The following ANKRD31 variants were observed in gnomAD, a reference collection of about 807,000 sequenced individuals.
ANKRD31 encodes the protein ankyrin repeat domain 31.
A neutral mutation model predicts 186.0 loss-of-function variants in ANKRD31; 147 were observed. That is an observed-to-expected ratio of 0.79 (90% CI 0.69 to 0.91). ANKRD31 has a LOEUF of 0.91. Ranked by LOEUF, ANKRD31 falls within the 40% of genes least tolerant of loss-of-function variation. The probability of loss-of-function intolerance (pLI) is 0.00; values close to 1 mark genes in which losing one functional copy is unlikely to be tolerated. For synonymous variants in ANKRD31, 673 were observed against 736.4 expected (o/e 0.91, Z 1.39); for missense variants, 1,986 against 2,148.8 (o/e 0.92, Z 1.50).
At chr5:75,207,511 T>A (rs535848036) in intron 4 of ANKRD31, among the ~76,000 whole-genome samples, 1 of 152,134 alleles carries the variant, frequency 6.6e-6, no homozygotes, top group East Asian at 1.9e-4. Context: ...AAATGTCCAG[T>A]AGTAGAGGAA....
chr5:75,162,167 C>T (rs1752611961), intron 11 of ANKRD31, among the ~76,000 whole-genome samples: 1 of 152,208 alleles, frequency 6.6e-6, no homozygotes, highest in African/African-American at 2.4e-5. Context: ...ATACTCAACA[C>T]CAGCCCATGA....
At chr5:75,232,463 C>A (rs1448017610) in intron 1 of ANKRD31, among the ~76,000 whole-genome samples, 1 of 152,084 alleles carries the variant, frequency 6.6e-6, no homozygotes, top group Non-Finnish European at 1.5e-5. Context: ...AGGGTTTTAC[C>A]ATGTTGGCCA....
rs1409428513 is a variant in ANKRD31 at position 75,146,849 on chromosome 5, A to T, written c.2562T>A (p.Asp854Glu). The T allele has an allele frequency of 1.3e-6, 2 of 1,536,362 alleles. No individual in the cohort carries two copies. Among genetic ancestry groups the T allele is most frequent in the Non-Finnish European group, 1.7e-6 (2 of 1,146,300 alleles). ...KEIKLPVVTT[D>E]KQPHTLQEQH... is the part of the protein sequence containing the mutation. ...GTTCCTGGAGAGTGTGAGGCTGCTT[A>T]TCTGTAGTAACAACTGGTAACTTGA... Residue 854 changes from aspartate (D) to glutamate (E), a missense_variant, in exon 14 of 26, where the codon GAT (aspartate) becomes GAA (glutamate). Physicochemically the swap from Asp to Glu is conservative, Grantham distance 45. Coordinates refer to ENST00000506364, the MANE Select transcript of ANKRD31 (RefSeq NM_001372053.1).
chr5:75,141,892 C>T (rs1751077741), intron 15 of ANKRD31, among the ~76,000 whole-genome samples: 2 of 152,058 alleles, frequency 1.3e-5, no homozygotes, highest in African/African-American at 4.8e-5. Flanking sequence ...AGAAGGTAGC[C>T]ATGTAATATA....
At chr5:75,220,282 A>C (rs1469598600) in intron 3 of ANKRD31, among the ~76,000 whole-genome samples, 2 of 152,198 alleles carry the variant, frequency 1.3e-5, no homozygotes, top group Non-Finnish European at 2.9e-5. Flanking sequence ...CATCTGACAA[A>C]GGTCTAATAT....
intron 2 of ANKRD31, chr5:75,225,733 G>A (rs1323631975): frequency 1.3e-5 from 2 of 158,706 alleles, no homozygotes; most frequent in African/African-American, 4.8e-5. Flanking sequence ...GACAGCTGTG[G>A]TGGCTATGGT....
intron 2 of ANKRD31, among the ~76,000 whole-genome samples, chr5:75,228,650 G>A (rs1757778131): frequency 2.0e-5 from 3 of 152,062 alleles, no homozygotes; most frequent in African/African-American, 7.2e-5. Context: ...GCAATCATTG[G>A]GAGTAGAATT....
rs980575045 is a variant in ANKRD31, at chr5:75,182,407, A to C, written c.1564+6086T>G. 5.3e-4 allele frequency among the ~76,000 whole-genome samples: 80 copies of C among 152,268 alleles called. 1 individual carries two copies. The highest frequency in any genetic ancestry group is 8.8e-5 in the Non-Finnish European group (6 of 68,012). ...TCTAGATTTTGCTCAAACTACAATA[A>C]AAATTAGTTTCCTAAAGAAGATGAA... On this transcript the variant is annotated intron_variant, in intron 10 of 25. Transcript: ENST00000506364.
At chr5:75,178,223 G>A (rs1284804473) in intron 10 of ANKRD31, among the ~76,000 whole-genome samples, 1 of 152,304 alleles carries the variant, frequency 6.6e-6, no homozygotes, top group East Asian at 1.9e-4. Context: ...GGAGCACCCA[G>A]ATTCATAAAG....
chr5:75,128,224 C>G (rs949847349), intron 17 of ANKRD31, among the ~76,000 whole-genome samples: 1 of 147,852 alleles, frequency 6.8e-6, no homozygotes, highest in Non-Finnish European at 1.5e-5. Context: ...CACATGGACA[C>G]AGGGAGGGGA....
chr5:75,076,744 A>G (rs1478142856), intron 25 of ANKRD31, among the ~76,000 whole-genome samples: 2 of 152,158 alleles, frequency 1.3e-5, no homozygotes, highest in Non-Finnish European at 2.9e-5. Context: ...TATCTAGGGG[A>G]CAGCCAAGAG....
chr5:75,101,428 T>G (rs1199086423), intron 22 of ANKRD31, among the ~76,000 whole-genome samples: 1 of 152,144 alleles, frequency 6.6e-6, no homozygotes, highest in Admixed American at 6.5e-5. Context: ...TTGAGGAGTA[T>G]CTTTATGGTG....
Position 75,116,444 on chromosome 5 carries a change from A to T in ANKRD31, c.4155+122T>A, listed in dbSNP as rs191291983. The T allele has an allele frequency of 7.8e-3, 2,752 of 354,908 alleles. 75 individuals are homozygous for T. Among genetic ancestry groups the T allele is most frequent in the African/African-American group, 0.054 (2,506 of 46,716 alleles). The allele number at this position is 354,908 out of a possible 1,614,324, so 22.0% of individuals were successfully genotyped here. A position where few individuals can be genotyped will look rare whatever the true frequency, so the allele number is the denominator to read the frequency against. On this transcript the variant is annotated intron_variant, in intron 19 of 25. Coordinates refer to ENST00000506364, the MANE Select transcript of ANKRD31 (RefSeq NM_001372053.1). Reference sequence around the variant, plus strand: ...AAATAAATAAATAAATAAAATAAATAAAAAATTTCTATCTTTGTATCATTA... The same window carrying T: ...AAATAAATAAATAAATAAAATAAATTAAAAATTTCTATCTTTGTATCATTA...
intron 5 of ANKRD31, 23 bp downstream of exon 5, chr5:75,206,388 A>G (rs1374639525): frequency 2.9e-6 from 4 of 1,381,068 alleles, no homozygotes; most frequent in Non-Finnish European, 3.7e-6. Context: ...TTTCCTTTAT[A>G]TGACTCTACC....
Position 75,146,249 on chromosome 5 carries a change from C to T in ANKRD31, c.3162G>A (p.Val1054=), listed in dbSNP as rs1472108214. The change falls in exon 14 of 26, where the codon GTG becomes GTA. Residue 1054 remains valine, a synonymous_variant. Coordinates refer to ENST00000506364, the MANE Select transcript of ANKRD31 (RefSeq NM_001372053.1). The part of the protein sequence containing the change: ...FLMNQTDTHI[V]EKMAKNCDTE... ...TGTCACAATTCTTTGCCATCTTTTC[C>T]ACAATATGTGTATCTGTTTGATTCA... The T allele has an allele frequency of 1.3e-6, 2 of 1,536,316 alleles. No homozygotes were observed. The highest frequency in any genetic ancestry group is 4.9e-5 in the East Asian group (2 of 40,874).
intron 18 of ANKRD31, 23 bp downstream of exon 18, chr5:75,118,112 A>G (rs1004590129): frequency 7.3e-7 from 1 of 1,360,996 alleles, no homozygotes; most frequent in South Asian, 2.0e-5. Context: ...TATATAAAAT[A>G]GCAGCAATAT....
chr5:75,178,887 A>G (rs1754039813), intron 10 of ANKRD31, among the ~76,000 whole-genome samples: 1 of 152,218 alleles, frequency 6.6e-6, no homozygotes, highest in Admixed American at 6.5e-5. Context: ...CTAAGATCAG[A>G]GCAGAACTGA....
chr5:75,227,442 T>C (rs1168354840), intron 2 of ANKRD31, among the ~76,000 whole-genome samples: 1 of 152,174 alleles, frequency 6.6e-6, no homozygotes, highest in South Asian at 2.1e-4. Context: ...GTTTGAAACA[T>C]AAAGGATAAA....
chr5:75,203,655 T>A (rs1580549066), intron 5 of ANKRD31, among the ~76,000 whole-genome samples: 3 of 102,334 alleles, frequency 2.9e-5, no homozygotes, highest in African/African-American at 5.0e-5. Flanking sequence ...AGAGAGAGGA[T>A]CCATCTCAAA....
Sources: gnomAD v4.1 joint callset for allele counts (sites outside exome capture counted in the v4.1 genomes callset) on GRCh38, gnomAD v4.1.1 for gene constraint, MANE v1.5 for transcripts, NCBI Gene and HGNC (gene_info 2026-07-23, HGNC 2026-07-21) for gene names.